Variants in CDC14B observed in about 807,000 individuals in gnomAD.
CDC14B encodes the protein cell division cycle 14B, also known as dual specificity protein phosphatase CDC14B.
In CDC14B, 22 loss-of-function variants were observed where a neutral mutation model predicts 64.2. The observed-to-expected ratio is 0.34, with a 90% CI of 0.24 to 0.49. CDC14B has a LOEUF of 0.49. CDC14B is among the 20% of genes least tolerant of loss of function. The probability of loss-of-function intolerance (pLI) is 0.99; values close to 1 mark genes in which losing one functional copy is unlikely to be tolerated. For synonymous variants in CDC14B, 191 were observed against 215.8 expected (o/e 0.89, Z 1.01); for missense variants, 498 against 629.9 (o/e 0.79, Z 2.24).
At chr9:96,521,972 T>C (rs1422733187) in intron 12 of CDC14B, among the ~76,000 whole-genome samples, 1 of 152,212 alleles carries the variant, frequency 6.6e-6, no homozygotes, top group Non-Finnish European at 1.5e-5. Context: ...TAGACATACA[T>C]ACACTCAGTA....
At chr9:96,560,189 AC>A (rs1368881239) in intron 4 of CDC14B, among the ~76,000 whole-genome samples, 1 of 152,086 alleles carries the variant, frequency 6.6e-6, no homozygotes, top group African/African-American at 2.4e-5. Context: ...CATCTCAGGG[AC>A]ATCTCATCTG....
At chr9:96,530,431 A>ATTTTTTTTTTTTTTTTTT (rs755667991) in intron 9 of CDC14B, among the ~76,000 whole-genome samples, 1 of 129,544 alleles carries the variant, frequency 7.7e-6, no homozygotes, top group Non-Finnish European at 1.7e-5. Context: ...CGCCCGGCTA[A>ATTTTTTTTTTTTTTTTTT]TTTTTTTTTT....
At position 96,500,251 on chromosome 9, in the gene CDC14B, C is replaced by A. The variant is rs765256265; in HGVS notation, c.*3502G>T. On this transcript the variant is annotated 3_prime_UTR_variant, in exon 14 of 14. Coordinates refer to ENST00000375241, the MANE Select transcript of CDC14B (RefSeq NM_033331.4). ...ACTACATACATATGCAAAGTTTACA[C>A]GCCATTAGGAAGCTTTATCTTAAAA... is the stretch of plus-strand genomic sequence containing the variant. 1 of 152,508 alleles carries A rather than the reference C, an allele frequency of 6.6e-6. No individual in the cohort carries two copies. The highest frequency in any genetic ancestry group is 1.5e-5 in the Non-Finnish European group (1 of 68,026). 9.4% of individuals were successfully genotyped at this position (152,508 alleles called of 1,614,324 possible).
chr9:96,523,414 T>C lies in CDC14B; in HGVS notation c.1092A>G (p.Gln364=), dbSNP rs759838575. 2 of 1,614,066 alleles carry C rather than the reference T, an allele frequency of 1.2e-6. No homozygotes were observed. The highest frequency in any genetic ancestry group is 1.7e-6 in the Non-Finnish European group (2 of 1,179,946). The change falls in exon 11 of 14, where the codon CAA becomes CAG. Residue 364 remains glutamine, a synonymous_variant. Coordinates refer to ENST00000375241, the MANE Select transcript of CDC14B (RefSeq NM_033331.4). ...GPQQQFLVMK[Q]TNLWLEGDYF... is the part of the protein sequence containing the mutation. ...AGTCCCCTTCCAGCCAGAGGTTGGT[T>C]TGCTTCCTAGAGCATTTAAATAACA...
chr9:96,517,697 G>T (rs1013650133), intron 12 of CDC14B, among the ~76,000 whole-genome samples: 4 of 147,994 alleles, frequency 2.7e-5, no homozygotes, highest in African/African-American at 1.0e-4. Flanking sequence ...CAGGGGTCTT[G>T]CTCTGTTGCC....
chr9:96,574,369 G>A (rs747228975), intron 1 of CDC14B, among the ~76,000 whole-genome samples: 1 of 151,986 alleles, frequency 6.6e-6, no homozygotes, highest in Non-Finnish European at 1.5e-5. Context: ...ATGTTTTTGG[G>A]TGTGGGGGAG....
intron 4 of CDC14B, among the ~76,000 whole-genome samples, chr9:96,556,547 G>A (rs1378207800): frequency 6.6e-6 from 1 of 151,964 alleles, no homozygotes; most frequent in Middle Eastern, 3.4e-3. Context: ...AACCTCAGAT[G>A]AACTTATATT....
At chr9:96,566,551 C>G (rs1349508584) in intron 1 of CDC14B, among the ~76,000 whole-genome samples, 1 of 152,192 alleles carries the variant, frequency 6.6e-6, no homozygotes, top group Non-Finnish European at 1.5e-5. Context: ...CGGGGAGGTG[C>G]AGCTCACCTA....
At chr9:96,518,658 C>T (rs1587785310) in intron 12 of CDC14B, among the ~76,000 whole-genome samples, 1 of 152,112 alleles carries the variant, frequency 6.6e-6, no homozygotes, top group Admixed American at 6.6e-5. Flanking sequence ...AAACAAGCTA[C>T]TAATATACAT....
Position 96,502,861 on chromosome 9 carries a change from T to C in CDC14B, c.*892A>G. On this transcript the variant is annotated 3_prime_UTR_variant, in exon 14 of 14. Transcript: ENST00000375241. ...GACTCTAAAAAAGTGGTAACTTTTT[T>C]TTTTTGTAAGCCGACATTATTTGGG... The C allele has an allele frequency of 5.0e-6, 2 of 398,626 alleles. No individual in the cohort carries two copies. Among genetic ancestry groups the C allele is most frequent in the African/African-American group, 2.1e-5 (1 of 48,738 alleles). The allele number at this position is 398,626 out of a possible 1,614,324, so 24.7% of individuals were successfully genotyped here. A position where few individuals can be genotyped will look rare whatever the true frequency, so the allele number is the denominator to read the frequency against.
At chr9:96,537,567 C>G (rs1839456137) in intron 7 of CDC14B, among the ~76,000 whole-genome samples, 1 of 152,172 alleles carries the variant, frequency 6.6e-6, no homozygotes, top group Non-Finnish European at 1.5e-5. Flanking sequence ...ACTGGCAGGT[C>G]AAAGTTGCTG....
chr9:96,615,089 C>T (rs984903431), intron 1 of CDC14B, among the ~76,000 whole-genome samples: 4 of 152,174 alleles, frequency 2.6e-5, no homozygotes, highest in Non-Finnish European at 5.9e-5. Flanking sequence ...TATCCACCCA[C>T]CTCAGCCTCC....
At chr9:96,614,460 G>A (rs1219878240) in intron 1 of CDC14B, among the ~76,000 whole-genome samples, 1 of 151,896 alleles carries the variant, frequency 6.6e-6, no homozygotes, top group African/African-American at 2.4e-5. Flanking sequence ...TGAGATTACA[G>A]GCATGAGTCA....
At chr9:96,607,987 T>G (rs1847080149) in intron 1 of CDC14B, among the ~76,000 whole-genome samples, 1 of 152,178 alleles carries the variant, frequency 6.6e-6, no homozygotes, top group Non-Finnish European at 1.5e-5. Flanking sequence ...AAAACTCCTT[T>G]CCAAGGATCC....
chr9:96,541,036 T>C (rs1839983986), intron 6 of CDC14B, among the ~76,000 whole-genome samples: 1 of 152,240 alleles, frequency 6.6e-6, no homozygotes, highest in African/African-American at 2.4e-5. Context: ...CCACCATGTT[T>C]CATTATACAA....
chr9:96,508,269 G>A (rs772966989), intron 13 of CDC14B, among the ~76,000 whole-genome samples: 7 of 152,104 alleles, frequency 4.6e-5, no homozygotes, highest in East Asian at 1.9e-4. Flanking sequence ...ACCTGCCTCC[G>A]CCTCCCAAAG....
intron 12 of CDC14B, among the ~76,000 whole-genome samples, chr9:96,522,286 C>T (rs959465151): frequency 2.0e-5 from 3 of 152,158 alleles, no homozygotes; most frequent in African/African-American, 4.8e-5. Context: ...TCCCTGATGT[C>T]GCCTTCCCAC....
chr9:96,525,399 G>A (rs962057085), intron 9 of CDC14B, among the ~76,000 whole-genome samples: 1 of 151,924 alleles, frequency 6.6e-6, no homozygotes, highest in Non-Finnish European at 1.5e-5. Flanking sequence ...ATGATCCCAA[G>A]GGCAATTTAG....
intron 13 of CDC14B, among the ~76,000 whole-genome samples, chr9:96,494,885 A>C (rs1292158705): frequency 6.8e-6 from 1 of 147,700 alleles, no homozygotes; most frequent in Non-Finnish European, 1.5e-5. Flanking sequence ...CCCAGGCTGC[A>C]GTGCAGTGGC....
Sources: allele counts gnomAD v4.1 joint callset (sites outside exome capture counted in the v4.1 genomes callset), GRCh38; gene constraint gnomAD v4.1.1; transcripts MANE v1.5; gene names NCBI Gene and HGNC (gene_info 2026-07-23, HGNC 2026-07-21).